MGLL: variants seen among roughly 807,000 people sequenced by gnomAD.
MGLL encodes the protein monoglyceride lipase, also known as lysophospholipase homolog.
MGLL carries 7 observed loss-of-function variants against 29.1 expected under a neutral mutation model. The ratio of observed to expected loss-of-function variants is 0.24; its 90% CI spans 0.14 to 0.45. The LOEUF is 0.45. Among genes scored for constraint, MGLL ranks in the 20% least tolerant of loss-of-function variants. The pLI is 0.99. For synonymous variants in MGLL, 148 were observed against 168.3 expected, an observed-to-expected ratio of 0.88 and a Z score of 0.93; for missense variants, 356 against 413.6, an observed-to-expected ratio of 0.86 and a Z score of 1.21.
intron 3 of MGLL, among the ~76,000 whole-genome samples, chr3:127,730,947 C>T (rs1408985004): frequency 6.6e-6 from 1 of 152,220 alleles, no homozygotes; most frequent in African/African-American, 2.4e-5. Context: ...CTTTATTCAC[C>T]TGTGCATTCC....
At chr3:127,804,394 C>T (rs189471357) in intron 2 of MGLL, among the ~76,000 whole-genome samples, 67 of 152,368 alleles carry the variant, frequency 4.4e-4, no homozygotes, top group African/African-American at 1.4e-3. Context: ...CTGATCGCTT[C>T]TGCTCACTTG....
intron 6 of MGLL, among the ~76,000 whole-genome samples, chr3:127,708,983 C>A (rs1425562809): frequency 2.6e-5 from 4 of 152,356 alleles, no homozygotes; most frequent in African/African-American, 9.6e-5. Flanking sequence ...CCCATCTCTG[C>A]CCCTGACTAG....
intron 3 of MGLL, among the ~76,000 whole-genome samples, chr3:127,734,851 C>A (rs186458537): frequency 1.4e-4 from 22 of 152,370 alleles, no homozygotes; most frequent in Admixed American, 1.4e-3. Context: ...GAGCCCCTGA[C>A]TGTGAGGAGG....
chr3:127,715,322 T>C (rs1376242729), intron 5 of MGLL, among the ~76,000 whole-genome samples: 3 of 152,254 alleles, frequency 2.0e-5, no homozygotes, highest in Admixed American at 2.0e-4. Flanking sequence ...GATGTTTGCA[T>C]AGCCCTGATC....
chr3:127,748,059 C>T (rs1198511901), intron 3 of MGLL, among the ~76,000 whole-genome samples: 1 of 152,198 alleles, frequency 6.6e-6, no homozygotes, highest in Non-Finnish European at 1.5e-5. Context: ...TAAAGGAAAA[C>T]TCATTAGCAA....
At chr3:127,771,648 G>C (rs544137671) in intron 3 of MGLL, among the ~76,000 whole-genome samples, 25 of 152,254 alleles carry the variant, frequency 1.6e-4, no homozygotes, top group African/African-American at 6.0e-4. Context: ...GAGCCACCAA[G>C]CCCGGCCTTC....
intron 3 of MGLL, among the ~76,000 whole-genome samples, chr3:127,755,123 C>T (rs757841963): frequency 6.6e-6 from 1 of 152,074 alleles, no homozygotes; most frequent in Admixed American, 6.5e-5. Context: ...CACACGGCCT[C>T]GTCAACTAGG....
intron 4 of MGLL, among the ~76,000 whole-genome samples, chr3:127,721,564 C>T (rs1000442813): frequency 4.2e-5 from 5 of 119,262 alleles, no homozygotes; most frequent in Non-Finnish European, 8.0e-5. Flanking sequence ...TAATAGATTG[C>T]TATACTATAC....
At chr3:127,775,301 A>T (rs1203834417) in intron 3 of MGLL, among the ~76,000 whole-genome samples, 1 of 152,208 alleles carries the variant, frequency 6.6e-6, no homozygotes, top group East Asian at 1.9e-4. Flanking sequence ...TTACTAAGGC[A>T]AGAAAAACGG....
At chr3:127,810,034 C>T (rs899220896) in intron 2 of MGLL, among the ~76,000 whole-genome samples, 9 of 152,184 alleles carry the variant, frequency 5.9e-5, no homozygotes, top group African/African-American at 9.7e-5. Context: ...ACCCACATGG[C>T]CCCTGACTCT....
chr3:127,718,112 C>T (rs1264608333), intron 5 of MGLL, among the ~76,000 whole-genome samples: 7 of 148,158 alleles, frequency 4.7e-5, no homozygotes, highest in African/African-American at 1.3e-4. Flanking sequence ...CAGATGGTGG[C>T]GAGATTTAGG....
At chr3:127,766,671 G>A (rs1576568928) in intron 3 of MGLL, among the ~76,000 whole-genome samples, 1 of 152,324 alleles carries the variant, frequency 6.6e-6, no homozygotes, top group East Asian at 1.9e-4. Context: ...GAAGTCAGTT[G>A]TGCCATAATC....
chr3:127,753,779 A>G (rs2076603493), intron 3 of MGLL, among the ~76,000 whole-genome samples: 1 of 152,224 alleles, frequency 6.6e-6, no homozygotes, highest in Non-Finnish European at 1.5e-5. Flanking sequence ...GGGCTCAGAA[A>G]CAGCCCAATG....
rs1212386661 is a variant in MGLL, at chr3:127,711,457, GA to G, written c.511-793del. 2.0e-5 allele frequency: 3 copies of G among 152,418 alleles called. No individual in the cohort carries two copies. In the East Asian group the frequency reaches 5.8e-4, roughly 29 times the overall value. 9.4% of individuals were successfully genotyped at this position (152,418 alleles called of 1,614,324 possible). Reference sequence around the variant, plus strand: ...CCTTCTGGATCTCTTGTTTTCCCAGGAAAACAGAGAACCCGGATCTCACACT... The same window carrying G: ...CCTTCTGGATCTCTTGTTTTCCCAGGAAACAGAGAACCCGGATCTCACACT... On this transcript the variant is annotated intron_variant, in intron 5 of 7. Coordinates refer to ENST00000265052, the MANE Select transcript of MGLL (RefSeq NM_007283.7).
chr3:127,694,721 T>A (rs1465749021), intron 7 of MGLL, among the ~76,000 whole-genome samples: 1 of 152,246 alleles, frequency 6.6e-6, no homozygotes, highest in African/African-American at 2.4e-5. Flanking sequence ...TTCTTGCCTA[T>A]AACATCTTTT....
At chr3:127,803,496 T>C (rs1204767045) in intron 2 of MGLL, among the ~76,000 whole-genome samples, 1 of 152,234 alleles carries the variant, frequency 6.6e-6, no homozygotes, top group Admixed American at 6.5e-5. Flanking sequence ...GGGATGCTTT[T>C]ACTGTACAGG....
chr3:127,699,616 C>G (rs1004885698), intron 6 of MGLL, among the ~76,000 whole-genome samples: 1 of 152,208 alleles, frequency 6.6e-6, no homozygotes, highest in Non-Finnish European at 1.5e-5. Context: ...AGGTAAGAAC[C>G]TAGGCACTCT....
intron 3 of MGLL, among the ~76,000 whole-genome samples, chr3:127,775,395 C>T (rs1032467746): frequency 4.1e-4 from 62 of 152,228 alleles, no homozygotes; most frequent in African/African-American, 1.3e-3. Context: ...TTTTAGAATA[C>T]TTCCAGCAAG....
intron 3 of MGLL, among the ~76,000 whole-genome samples, chr3:127,732,084 T>G (rs2107642172): frequency 6.6e-6 from 1 of 152,196 alleles, no homozygotes; most frequent in East Asian, 1.9e-4. Flanking sequence ...ACTGCTGGAA[T>G]GGGAAGAGCC....
Sources: allele counts gnomAD v4.1 joint callset (sites outside exome capture counted in the v4.1 genomes callset), GRCh38; gene constraint gnomAD v4.1.1; transcripts MANE v1.5; gene names NCBI Gene and HGNC (gene_info 2026-07-23, HGNC 2026-07-21).